Variants in HMBOX1 observed in about 807,000 individuals in gnomAD.
HMBOX1 encodes the protein homeobox containing 1.
Under a neutral mutation model 54.5 loss-of-function variants are expected in HMBOX1, and 14 were observed. The observed-to-expected ratio is 0.26, with a 90% CI of 0.17 to 0.40. The LOEUF (loss-of-function observed/expected upper bound fraction) is 0.40. Ranked by LOEUF, HMBOX1 falls within the 10% of genes least tolerant of loss-of-function variation. HMBOX1 has a pLI of 1.00. For synonymous variants in HMBOX1, 160 were observed against 181.0 expected (o/e 0.88, Z 0.93); for missense variants, 332 against 514.4 (o/e 0.65, Z 3.43).
At chr8:28,960,753 C>CTTTTTT (rs1023356056) in intron 1 of HMBOX1, among the ~76,000 whole-genome samples, 11 of 65,656 alleles carry the variant, frequency 1.7e-4, no homozygotes, top group Non-Finnish European at 2.3e-4. Flanking sequence ...TTCTCTTTTT[C>CTTTTTT]TTTTTCTTTT....
At position 28,982,093 on chromosome 8, in the gene HMBOX1, C is replaced by T. The variant is rs182850859; in HGVS notation, c.586+1937C>T. On this transcript the variant is annotated intron_variant, in intron 4 of 9. Transcript: ENST00000287701. Reference sequence around the variant, plus strand: ...TCTACTAAAAACACAAAAAGCCAGGCGTGGTGGCGGGCGCCTGTAGTCCCA... The same window carrying T: ...TCTACTAAAAACACAAAAAGCCAGGTGTGGTGGCGGGCGCCTGTAGTCCCA... Among the ~76,000 whole-genome samples, 1,428 of 152,142 alleles carry T rather than the reference C, an allele frequency of 9.4e-3. 17 individuals carry two copies. Among genetic ancestry groups the T allele is most frequent in the South Asian group, 0.06 (288 of 4,818 alleles).
chr8:28,970,783 A>C lies in HMBOX1; in HGVS notation c.500+264A>C. On this transcript the variant is annotated intron_variant, in intron 3 of 9. Coordinates refer to ENST00000287701, the MANE Select transcript of HMBOX1 (RefSeq NM_001135726.3). The surrounding 1 kb of genome is among the most constrained non-coding windows in gnomAD (Gnocchi z 4.3). ...TTTCCATTCTGTTTATCAAACACTAATCTTCTCTATGACTCTAATAGCTAA... is the reference window on the plus strand; with the variant it reads ...TTTCCATTCTGTTTATCAAACACTACTCTTCTCTATGACTCTAATAGCTAA... 5.7e-6 allele frequency: 2 copies of C among 347,834 alleles called. No homozygotes were observed. Among genetic ancestry groups the C allele is most frequent in the Non-Finnish European group, 5.2e-6 (1 of 191,838 alleles). The allele number at this position is 347,834 out of a possible 1,614,324, so 21.5% of individuals were successfully genotyped here. A position where few individuals can be genotyped will look rare whatever the true frequency, so the allele number is the denominator to read the frequency against.
At chr8:28,953,450 G>A (rs1823869137) in intron 1 of HMBOX1, among the ~76,000 whole-genome samples, 1 of 152,038 alleles carries the variant, frequency 6.6e-6, no homozygotes, top group Non-Finnish European at 1.5e-5. Context: ...TTTCCTGCCT[G>A]TTTAAAACAA....
chr8:28,999,404 T>A (rs1586381569), intron 4 of HMBOX1, among the ~76,000 whole-genome samples: 1 of 152,286 alleles, frequency 6.6e-6, no homozygotes, highest in Non-Finnish European at 1.5e-5. Flanking sequence ...TCATTGAGCT[T>A]TTTAGATGTG....
At chr8:29,009,669 A>G (rs1833978345) in intron 5 of HMBOX1, 14 of 1,281,906 alleles carry the variant, frequency 1.1e-5, no homozygotes, top group Non-Finnish European at 1.4e-5. Context: ...TAATGGATGT[A>G]TCTTTGGACT....
In HMBOX1 at chr8:28,922,909, C is replaced by T. The variant is rs140285951; in HGVS notation, c.-58+32231C>T. Among the ~76,000 whole-genome samples, 443 of 152,236 alleles carry T rather than the reference C, an allele frequency of 2.9e-3. 2 individuals are homozygous for T. The highest frequency in any genetic ancestry group is 5.5e-3 in the Non-Finnish European group (372 of 68,020). ...TAAAGTGATGCTATGTGTCTGATCT[C>T]TCTTTACACATCAAGTAATACTATA... On this transcript the variant is annotated intron_variant, in intron 1 of 9. Transcript: ENST00000287701.
intron 1 of HMBOX1, among the ~76,000 whole-genome samples, chr8:28,897,544 C>A (rs1267757573): frequency 6.6e-6 from 1 of 152,064 alleles, no homozygotes; most frequent in African/African-American, 2.4e-5. Flanking sequence ...GGCGTGGTGG[C>A]ACACACCTGT....
intron 1 of HMBOX1, among the ~76,000 whole-genome samples, chr8:28,912,571 T>A (rs935438701): frequency 1.3e-5 from 2 of 152,224 alleles, no homozygotes; most frequent in African/African-American, 4.8e-5. Flanking sequence ...AATTTCAGTT[T>A]TCTGGTTTGA....
intron 1 of HMBOX1, among the ~76,000 whole-genome samples, chr8:28,902,893 C>T (rs1000240753): frequency 3.9e-5 from 6 of 152,140 alleles, no homozygotes; most frequent in Admixed American, 6.5e-5. Flanking sequence ...CAAAATGCAA[C>T]GTGCCATACC....
At chr8:28,912,431 C>T (rs1815628863) in intron 1 of HMBOX1, among the ~76,000 whole-genome samples, 1 of 152,220 alleles carries the variant, frequency 6.6e-6, no homozygotes, top group African/African-American at 2.4e-5. Flanking sequence ...TTTCTGTTTT[C>T]TCATCTATAG....
At chr8:29,049,141 G>T in intron 9 of HMBOX1, 93 bp downstream of exon 9, 1 of 1,463,832 alleles carries the variant, frequency 6.8e-7, no homozygotes. Flanking sequence ...GATGGGGTGG[G>T]GGAGGGGAAA....
chr8:28,910,282 GT>G (rs2131655858), intron 1 of HMBOX1, among the ~76,000 whole-genome samples: 1 of 152,248 alleles, frequency 6.6e-6, no homozygotes, highest in Non-Finnish European at 1.5e-5. Context: ...GCATTCAGTT[GT>G]TTTAAAATAC....
At chr8:28,996,795 G>T (rs1831926442) in intron 4 of HMBOX1, among the ~76,000 whole-genome samples, 1 of 152,110 alleles carries the variant, frequency 6.6e-6, no homozygotes, top group African/African-American at 2.4e-5. Context: ...ATGTGAGGAA[G>T]GGATGTGAAC....
intron 6 of HMBOX1, among the ~76,000 whole-genome samples, chr8:29,043,960 T>C (rs1805212782): frequency 6.6e-6 from 1 of 152,108 alleles, no homozygotes. Context: ...AGGGTGGTAG[T>C]TGACAAGACT....
intron 2 of HMBOX1, among the ~76,000 whole-genome samples, chr8:28,965,789 G>A (rs565585377): frequency 5.3e-5 from 8 of 152,292 alleles, no homozygotes; most frequent in African/African-American, 1.9e-4. Context: ...GCTCTTGAGT[G>A]TATATGTATT....
At chr8:28,994,056 A>C (rs971681527) in intron 4 of HMBOX1, among the ~76,000 whole-genome samples, 1 of 151,452 alleles carries the variant, frequency 6.6e-6, no homozygotes, top group African/African-American at 2.4e-5. Flanking sequence ...AATCCCAGTT[A>C]TTCGGGAGAC....
At chr8:28,946,053 A>G (rs1312543857) in intron 1 of HMBOX1, among the ~76,000 whole-genome samples, 1 of 151,312 alleles carries the variant, frequency 6.6e-6, no homozygotes, top group Admixed American at 6.6e-5. Context: ...CCCAGGTTCA[A>G]GTGATTCTCC....
chr8:28,912,700 A>G (rs545132545), intron 1 of HMBOX1, among the ~76,000 whole-genome samples: 8 of 152,208 alleles, frequency 5.3e-5, no homozygotes, highest in South Asian at 2.1e-4. Flanking sequence ...TTGCCCTTCA[A>G]GTTCCTCAGA....
At chr8:28,906,575 T>C (rs919412835) in intron 1 of HMBOX1, among the ~76,000 whole-genome samples, 1 of 152,194 alleles carries the variant, frequency 6.6e-6, no homozygotes, top group Non-Finnish European at 1.5e-5. Context: ...TTTTTGAAAA[T>C]GATGACTTAT....
Sources: gnomAD v4.1 joint callset for allele counts (sites outside exome capture counted in the v4.1 genomes callset) on GRCh38, gnomAD v4.1.1 for gene constraint, Gnocchi (gnomAD v3.1) non-coding constraint, MANE v1.5 for transcripts, NCBI Gene and HGNC (gene_info 2026-07-23, HGNC 2026-07-21) for gene names.